RIMS1: variants seen among roughly 807,000 people sequenced by gnomAD.
The protein encoded by RIMS1 is regulating synaptic membrane exocytosis 1, also known as regulating synaptic membrane exocytosis protein 1.
A neutral mutation model predicts 214.1 loss-of-function variants in RIMS1; 83 were observed. The observed-to-expected ratio is 0.39, with a 90% CI of 0.32 to 0.47. The LOEUF is 0.47. Among genes scored for constraint, RIMS1 ranks in the 20% least tolerant of loss-of-function variants. The pLI, the probability that RIMS1 is intolerant of heterozygous loss-of-function variation, is 0.99. For missense variants in RIMS1, 2,050 were observed against 2,161.8 expected, an observed-to-expected ratio of 0.95 and a Z score of 1.03; for synonymous variants, 793 against 786.8, an observed-to-expected ratio of 1.01 and a Z score of -0.13.
intron 22 of RIMS1, among the ~76,000 whole-genome samples, chr6:72,273,424 T>A (rs946771084): frequency 1.3e-5 from 2 of 152,092 alleles, no homozygotes; most frequent in South Asian, 2.1e-4. Flanking sequence ...TCATATATAA[T>A]AAATAAAAAA....
chr6:71,958,089 G>A (rs1308071077), intron 1 of RIMS1, among the ~76,000 whole-genome samples: 1 of 152,086 alleles, frequency 6.6e-6, no homozygotes, highest in Non-Finnish European at 1.5e-5. Context: ...CATATAAAGA[G>A]CTTAAACGAG....
intron 2 of RIMS1, among the ~76,000 whole-genome samples, chr6:72,024,003 G>A (rs1185267229): frequency 1.3e-5 from 2 of 152,074 alleles, no homozygotes; most frequent in Non-Finnish European, 2.9e-5. Flanking sequence ...GTGTCTTAAT[G>A]AGGTGAAACT....
At chr6:71,931,512 A>G (rs1354784583) in intron 1 of RIMS1, among the ~76,000 whole-genome samples, 1 of 152,042 alleles carries the variant, frequency 6.6e-6, no homozygotes, top group Non-Finnish European at 1.5e-5. Flanking sequence ...GTTCTACAAC[A>G]TGCCACGGAT....
At chr6:72,363,894 G>A (rs1440344162) in intron 29 of RIMS1, among the ~76,000 whole-genome samples, 2 of 152,178 alleles carry the variant, frequency 1.3e-5, no homozygotes, top group East Asian at 3.8e-4. Context: ...ATTTGATTTA[G>A]TACTTGGTGG....
At chr6:72,167,073 TTTA>T (rs2046368148) in intron 4 of RIMS1, among the ~76,000 whole-genome samples, 2 of 152,154 alleles carry the variant, frequency 1.3e-5, no homozygotes, top group Admixed American at 6.5e-5. Context: ...TGATGATTAC[TTTA>T]TCATATTCAG....
At chr6:72,339,991 A>G (rs980427501) in intron 29 of RIMS1, among the ~76,000 whole-genome samples, 3 of 152,086 alleles carry the variant, frequency 2.0e-5, no homozygotes, top group African/African-American at 7.2e-5. Context: ...CTGGTTTGAG[A>G]TGGTATCTGA....
At chr6:72,079,938 T>A (rs1304401538) in intron 2 of RIMS1, among the ~76,000 whole-genome samples, 1 of 146,738 alleles carries the variant, frequency 6.8e-6, no homozygotes, top group Non-Finnish European at 1.5e-5. Context: ...ACAATCGTTT[T>A]TTTAAAAAAC....
At chr6:72,019,325 C>A (rs1426086775) in intron 2 of RIMS1, among the ~76,000 whole-genome samples, 2 of 152,134 alleles carry the variant, frequency 1.3e-5, no homozygotes, top group Non-Finnish European at 2.9e-5. Context: ...GCAGTCAACA[C>A]AAACCTTGGT....
At chr6:72,376,013 C>T (rs143109313) in intron 29 of RIMS1, among the ~76,000 whole-genome samples, 2 of 152,258 alleles carry the variant, frequency 1.3e-5, no homozygotes, top group Admixed American at 1.3e-4. Context: ...TCTGAATTTA[C>T]TTTTTCATGA....
At chr6:71,944,508 G>A (rs1444970522) in intron 1 of RIMS1, among the ~76,000 whole-genome samples, 2 of 152,142 alleles carry the variant, frequency 1.3e-5, no homozygotes, top group African/African-American at 4.8e-5. Context: ...GAGGAAGATG[G>A]AGTAATATTA....
intron 2 of RIMS1, among the ~76,000 whole-genome samples, chr6:72,072,066 G>A (rs925392179): frequency 1.1e-4 from 16 of 152,158 alleles, no homozygotes; most frequent in African/African-American, 3.9e-4. Context: ...TGCCTCACAA[G>A]GTGATTCCCT....
intron 28 of RIMS1, chr6:72,317,255 G>T: frequency 3.3e-6 from 1 of 300,706 alleles, no homozygotes; most frequent in South Asian, 4.0e-5. Context: ...TAGGGCCGCA[G>T]GTCCTTGGTG....
In RIMS1 at chr6:72,118,775, C is replaced by G. The variant is rs544285120; in HGVS notation, c.471+18789C>G. Among the ~76,000 whole-genome samples, 316 of 151,696 alleles carry G rather than the reference C, an allele frequency of 2.1e-3. 3 individuals are homozygous for G. The highest frequency in any genetic ancestry group is 6.8e-3 in the African/African-American group (284 of 41,498). ...AAAGCATTTCACAAAATCCAGCATTCCTTTACGATAAAAATCCTCAACAAC... is the reference window on the plus strand; with the variant it reads ...AAAGCATTTCACAAAATCCAGCATTGCTTTACGATAAAAATCCTCAACAAC... On this transcript the variant is annotated intron_variant, in intron 4 of 33. Coordinates refer to ENST00000521978, the MANE Select transcript of RIMS1 (RefSeq NM_014989.7).
intron 2 of RIMS1, among the ~76,000 whole-genome samples, chr6:71,972,712 A>G (rs79057092): frequency 6.6e-6 from 1 of 152,320 alleles, no homozygotes; most frequent in East Asian, 1.9e-4. Context: ...AGATAGAAAA[A>G]TGAGATATAT....
intron 4 of RIMS1, among the ~76,000 whole-genome samples, chr6:72,146,371 A>G (rs948581976): frequency 1.3e-5 from 2 of 152,220 alleles, no homozygotes; most frequent in African/African-American, 4.8e-5. Context: ...ATCTTGTTCA[A>G]GAGGTAGAAA....
chr6:72,202,093 A>G (rs939969219), intron 6 of RIMS1, among the ~76,000 whole-genome samples: 1 of 152,180 alleles, frequency 6.6e-6, no homozygotes, highest in Non-Finnish European at 1.5e-5. Context: ...AACTTGTGCA[A>G]TTGTGTCTTT....
At chr6:72,081,187 A>T (rs1382340504) in intron 2 of RIMS1, among the ~76,000 whole-genome samples, 1 of 152,210 alleles carries the variant, frequency 6.6e-6, no homozygotes, top group African/African-American at 2.4e-5. Context: ...TAAGGTTAAG[A>T]TGATTTATCA....
At chr6:72,332,221 A>G (rs1257657730) in intron 28 of RIMS1, among the ~76,000 whole-genome samples, 2 of 151,842 alleles carry the variant, frequency 1.3e-5, no homozygotes, top group Non-Finnish European at 2.9e-5. Context: ...GAAGTAGAAA[A>G]TGAAGAAGAT....
chr6:72,336,978 C>T (rs949200421), intron 29 of RIMS1, among the ~76,000 whole-genome samples: 1 of 151,716 alleles, frequency 6.6e-6, no homozygotes, highest in Non-Finnish European at 1.5e-5. Context: ...TTCCTCTTCC[C>T]CTATGAAATA....
Sources: gnomAD v4.1 joint callset for allele counts (sites outside exome capture counted in the v4.1 genomes callset) on GRCh38, gnomAD v4.1.1 for gene constraint, MANE v1.5 for transcripts, NCBI Gene and HGNC (gene_info 2026-07-23, HGNC 2026-07-21) for gene names.